Variants in DYNC1I1 observed in about 807,000 individuals in gnomAD.
DYNC1I1 encodes dynein cytoplasmic 1 intermediate chain 1.
Under a neutral mutation model 86.6 loss-of-function variants are expected in DYNC1I1, and 43 were observed. The ratio of observed to expected loss-of-function variants is 0.50; its 90% CI spans 0.39 to 0.64. The LOEUF (loss-of-function observed/expected upper bound fraction) is 0.64, where lower values mean the gene tolerates loss of function less well. Among genes scored for constraint, DYNC1I1 ranks in the 30% least tolerant of loss-of-function variants. The pLI is 0.00. For missense variants in DYNC1I1, 604 were observed against 788.8 expected, an observed-to-expected ratio of 0.77 and a Z score of 2.81; for synonymous variants, 262 against 283.7, an observed-to-expected ratio of 0.92 and a Z score of 0.77.
At chr7:95,974,874 C>A (rs1793263749) in intron 6 of DYNC1I1, among the ~76,000 whole-genome samples, 1 of 152,182 alleles carries the variant, frequency 6.6e-6, no homozygotes, top group Admixed American at 6.5e-5. Flanking sequence ...AAAGTCCCTG[C>A]AAAGCCTCCT....
chr7:95,985,079 G>A lies in DYNC1I1; in HGVS notation c.743+102G>A. The A allele has an allele frequency of 2.6e-6, 4 of 1,523,556 alleles. 1 individual carries two copies. The highest frequency in any genetic ancestry group is 4.3e-5 in the Admixed American group (2 of 46,636). 94.4% of individuals were successfully genotyped at this position (1,523,556 alleles called of 1,614,324 possible). ...GAAAATTCCAAATTAAGAAATCAGA[G>A]GAGGGTGAAATTTTGGAATTGATCT... On this transcript the variant is annotated intron_variant, in intron 8 of 16. Transcript: ENST00000447467.
intron 6 of DYNC1I1, among the ~76,000 whole-genome samples, chr7:95,902,114 C>A (rs1791052083): frequency 6.6e-6 from 1 of 152,124 alleles, no homozygotes; most frequent in Admixed American, 6.6e-5. Context: ...TCTAAAGTGA[C>A]CAAAGAAAGT....
chr7:95,975,409 C>A (rs1462084513), intron 6 of DYNC1I1, among the ~76,000 whole-genome samples: 1 of 152,124 alleles, frequency 6.6e-6, no homozygotes, highest in Non-Finnish European at 1.5e-5. Context: ...GGTTTTCTGG[C>A]ACTCTTTGGT....
intron 16 of DYNC1I1, among the ~76,000 whole-genome samples, chr7:96,089,011 G>A (rs995542507): frequency 4.6e-5 from 7 of 151,894 alleles, no homozygotes; most frequent in African/African-American, 1.7e-4. Flanking sequence ...TCTCCTAATA[G>A]TCAACCAATA....
intron 6 of DYNC1I1, among the ~76,000 whole-genome samples, chr7:95,906,440 T>A (rs754980149): frequency 6.6e-6 from 1 of 152,172 alleles, no homozygotes; most frequent in African/African-American, 2.4e-5. Context: ...CTTTTCCTTT[T>A]TTTATACATC....
intron 1 of DYNC1I1, among the ~76,000 whole-genome samples, chr7:95,788,612 C>T (rs143696263): frequency 9.9e-5 from 15 of 152,218 alleles, no homozygotes; most frequent in African/African-American, 3.1e-4. Context: ...CACCTTTTCG[C>T]GGCACACACT....
In DYNC1I1 at chr7:95,795,905, A is replaced by G. The variant is rs560215289; in HGVS notation, c.-9-8816A>G. Among the ~76,000 whole-genome samples the G allele has an allele frequency of 2.6e-5, 4 of 152,032 alleles. No individual in the cohort carries two copies. In the South Asian group the frequency reaches 6.2e-4, roughly 24 times the overall value. On this transcript the variant is annotated intron_variant, in intron 1 of 16. Transcript: ENST00000447467. Reference sequence around the variant, plus strand: ...TAAAAATAAAAGTTAAATTTAAAAAAGTAAAATGAATTAAAAATGCCTCTG... The same window carrying G: ...TAAAAATAAAAGTTAAATTTAAAAAGGTAAAATGAATTAAAAATGCCTCTG...
rs145382652 is a variant in DYNC1I1 at position 95,934,952 on chromosome 7, TTG to T, written c.491-42538_491-42537del. On this transcript the variant is annotated intron_variant, in intron 6 of 16. Transcript: ENST00000447467. ...TTTGTTTTTGTTTTTGTTTTTTGTTTTGTGTGTGTGTGTGTGTGTGTGTCTGT... is the reference window on the plus strand; with the variant it reads ...TTTGTTTTTGTTTTTGTTTTTTGTTTTGTGTGTGTGTGTGTGTGTGTCTGT... Among the ~76,000 whole-genome samples the T allele has an allele frequency of 3.4e-4, 51 of 148,786 alleles. 1 individual carries two copies. The highest frequency in any genetic ancestry group is 6.7e-4 in the Admixed American group (10 of 14,878).
At chr7:95,785,237 C>G (rs181306565) in intron 1 of DYNC1I1, among the ~76,000 whole-genome samples, 1 of 152,140 alleles carries the variant, frequency 6.6e-6, no homozygotes, top group East Asian at 1.9e-4. Context: ...CATGGTAAAA[C>G]CCCGTCTCTA....
intron 2 of DYNC1I1, among the ~76,000 whole-genome samples, chr7:95,808,943 A>G (rs974074556): frequency 1.3e-5 from 2 of 152,156 alleles, no homozygotes; most frequent in Admixed American, 1.3e-4. Context: ...CCTCTGTTGT[A>G]TACATAAACT....
At chr7:96,107,972 C>T (rs970716890) in intron 16 of DYNC1I1, among the ~76,000 whole-genome samples, 8 of 148,182 alleles carry the variant, frequency 5.4e-5, no homozygotes, top group Non-Finnish European at 1.0e-4. Flanking sequence ...TATTGAGGAT[C>T]CCTTGTATGT....
chr7:96,022,278 G>A (rs765875745), intron 10 of DYNC1I1, among the ~76,000 whole-genome samples: 3 of 152,194 alleles, frequency 2.0e-5, no homozygotes, highest in Non-Finnish European at 2.9e-5. Flanking sequence ...GACAAGGCAC[G>A]TGATAGGGTC....
Position 95,888,786 on chromosome 7 carries a change from G to A in DYNC1I1, c.490+18788G>A, listed in dbSNP as rs183265441. 2.2e-3 allele frequency among the ~76,000 whole-genome samples: 329 copies of A among 152,294 alleles called. 1 individual carries two copies. The highest frequency in any genetic ancestry group is 7.6e-3 in the African/African-American group (318 of 41,574). The stretch of plus-strand genomic sequence containing the variant: ...AAACATGACTTAGTAGCTGTTCGAA[G>A]TAATTTTTCTACTTCTGGGCACAAA... On this transcript the variant is annotated intron_variant, in intron 6 of 16. Transcript: ENST00000447467.
At chr7:95,924,879 C>T (rs1324024415) in intron 6 of DYNC1I1, among the ~76,000 whole-genome samples, 1 of 152,146 alleles carries the variant, frequency 6.6e-6, no homozygotes, top group African/African-American at 2.4e-5. Flanking sequence ...TGGGCTCTCT[C>T]CTAGAGTCTC....
intron 6 of DYNC1I1, among the ~76,000 whole-genome samples, chr7:95,959,899 A>G (rs1333411634): frequency 2.0e-5 from 3 of 152,206 alleles, no homozygotes; most frequent in African/African-American, 7.2e-5. Flanking sequence ...GTCCAACTGC[A>G]AAGTTGATAT....
At chr7:95,796,245 T>G (rs1199976942) in intron 1 of DYNC1I1, among the ~76,000 whole-genome samples, 1 of 152,190 alleles carries the variant, frequency 6.6e-6, no homozygotes, top group Non-Finnish European at 1.5e-5. Flanking sequence ...CCTTACCTGT[T>G]ACCTGGCTTA....
intron 6 of DYNC1I1, among the ~76,000 whole-genome samples, chr7:95,970,327 C>G (rs1299816925): frequency 1.3e-5 from 2 of 152,164 alleles, no homozygotes; most frequent in African/African-American, 4.8e-5. Context: ...CCTCCTGCAG[C>G]CTCCACGTTG....
intron 14 of DYNC1I1, among the ~76,000 whole-genome samples, chr7:96,050,902 C>T (rs994864015): frequency 1.3e-5 from 2 of 152,110 alleles, no homozygotes; most frequent in Non-Finnish European, 2.9e-5. Context: ...AAAAAAAGTA[C>T]TAAAAATGCA....
intron 7 of DYNC1I1, among the ~76,000 whole-genome samples, chr7:95,983,314 A>T (rs1584224333): frequency 6.6e-6 from 1 of 152,144 alleles, no homozygotes; most frequent in Non-Finnish European, 1.5e-5. Flanking sequence ...TTCTAATTTT[A>T]TTTAGGGCTG....
Sources: allele counts gnomAD v4.1 joint callset (sites outside exome capture counted in the v4.1 genomes callset), GRCh38; gene constraint gnomAD v4.1.1; transcripts MANE v1.5; gene names NCBI Gene and HGNC (gene_info 2026-07-23, HGNC 2026-07-21).